The following PCDH15 variants were observed in gnomAD, a reference collection of about 807,000 sequenced individuals.
PCDH15 encodes the protein protocadherin-15.
PCDH15 carries 129 observed loss-of-function variants against 178.5 expected under a neutral mutation model. The observed-to-expected ratio is 0.72, with a 90% CI of 0.63 to 0.84. PCDH15 has a LOEUF of 0.84. PCDH15 is among the 40% of genes least tolerant of loss of function. The pLI is 0.00. For missense variants in PCDH15, 2,230 were observed against 2,099.9 expected (o/e 1.06, Z -1.21); for synonymous variants, 800 against 732.0 (o/e 1.09, Z -1.50).
At chr10:54,171,997 C>T (rs10825258) in intron 13 of PCDH15, among the ~76,000 whole-genome samples, 69,139 of 148,898 alleles carry the variant, frequency 0.46, 16,663 homozygotes, top group African/African-American at 0.56. Flanking sequence ...AAATTTTCGC[C>T]GCCCCAACAC....
In PCDH15 at chr10:54,622,731, A is replaced by AT. The variant is rs1287385543; in HGVS notation, c.91+41440_91+41441insA. 2.0e-4 allele frequency among the ~76,000 whole-genome samples: 7 copies of AT among 35,052 alleles called. 1 individual carries two copies. The highest frequency in any genetic ancestry group is 1.7e-3 in the Admixed American group (4 of 2,352). 23.0% of individuals were successfully genotyped at this position (35,052 alleles called of 152,430 possible). ...ATATTATATATAATATATATTATAT[A>AT]ATTATATATATATTATATATAATTA... On this transcript the variant is annotated intron_variant, in intron 2 of 37. Coordinates refer to ENST00000644397, the MANE Select transcript of PCDH15 (RefSeq NM_001384140.1).
intron 13 of PCDH15, among the ~76,000 whole-genome samples, chr10:54,163,416 A>C (rs2045908642): frequency 6.6e-6 from 1 of 151,840 alleles, no homozygotes; most frequent in African/African-American, 2.4e-5. Context: ...GGAGAGAGAG[A>C]GAGAGCGAGA....
At chr10:55,408,239 G>T (rs180892339) in intron 2 of PCDH15, among the ~76,000 whole-genome samples, 208 of 151,030 alleles carry the variant, frequency 1.4e-3, no homozygotes, top group African/African-American at 4.7e-3. Context: ...AGGCTGGAGT[G>T]CAGTGGTGCG....
chr10:55,206,842 T>A (rs2132165274), intron 1 of PCDH15, among the ~76,000 whole-genome samples: 1 of 152,206 alleles, frequency 6.6e-6, no homozygotes, highest in African/African-American at 2.4e-5. Flanking sequence ...TTTGAAATTT[T>A]GGAAAATAGG....
In PCDH15 at chr10:54,022,946, G is replaced by A. The variant is rs1238723992; in HGVS notation, c.2472C>T (p.Tyr824=). Reference sequence around the variant, plus strand: ...GCAAATTCTCTTCAACAAGGACAGTGTATGTTGAATTGGTGAACACAGGAC... The same window carrying A: ...GCAAATTCTCTTCAACAAGGACAGTATATGTTGAATTGGTGAACACAGGAC... ...DNSPVFTNST[Y]TVLVEENLPA... The change falls in exon 19 of 38, where the codon TAC becomes TAT. Residue 824 remains tyrosine (Y), a synonymous_variant. Transcript: ENST00000644397. 1.2e-6 allele frequency: 2 copies of A among 1,613,916 alleles called. No homozygotes were observed. The highest frequency in any genetic ancestry group is 1.7e-6 in the Non-Finnish European group (2 of 1,179,854).
Position 55,473,457 on chromosome 10 carries a change from T to G in PCDH15, c.-156+154168A>C, listed in dbSNP as rs932108804. ...AAAAGTTGGAGTCATGGAACACTGC[T>G]GCTACTTTAAAGTATCTAATGTAAC... On this transcript the variant is annotated intron_variant, in intron 2 of 5. Coordinates refer to the PCDH15 transcript ENST00000613346. Among the ~76,000 whole-genome samples the G allele has an allele frequency of 5.3e-5, 8 of 152,196 alleles. No homozygotes were observed. In the South Asian group the frequency reaches 6.2e-4, roughly 12 times the overall value.
At chr10:55,376,305 G>C (rs964855570) in intron 2 of PCDH15, among the ~76,000 whole-genome samples, 23 of 152,050 alleles carry the variant, frequency 1.5e-4, no homozygotes, top group African/African-American at 4.6e-4. Context: ...TATCCCACAG[G>C]ATTTGCATTA....
chr10:54,221,606 T>C (rs2052822150), intron 9 of PCDH15, among the ~76,000 whole-genome samples: 1 of 152,216 alleles, frequency 6.6e-6, no homozygotes, highest in African/African-American at 2.4e-5. Context: ...TATTCTTTTT[T>C]TTTTTTTTAA....
At chr10:55,018,276 G>A (rs547738343) in intron 2 of PCDH15, among the ~76,000 whole-genome samples, 2 of 152,088 alleles carry the variant, frequency 1.3e-5, no homozygotes, top group South Asian at 2.1e-4. Context: ...TACAAAGAGC[G>A]GGGATTGATT....
At chr10:55,505,554 T>C (rs553327930) in intron 2 of PCDH15, among the ~76,000 whole-genome samples, 4 of 151,222 alleles carry the variant, frequency 2.6e-5, no homozygotes, top group Non-Finnish European at 5.9e-5. Flanking sequence ...AGACAATATA[T>C]GGAAGGTAGG....
intron 15 of PCDH15, among the ~76,000 whole-genome samples, chr10:54,124,876 C>A (rs971314998): frequency 2.0e-5 from 3 of 152,160 alleles, no homozygotes; most frequent in African/African-American, 7.2e-5. Context: ...TCTGACAGGA[C>A]CTGTTAATTC....
chr10:53,841,252 TATAA>T lies in PCDH15; in HGVS notation c.3807-760_3807-757del, dbSNP rs1397233309. Among the ~76,000 whole-genome samples the T allele has an allele frequency of 5.3e-5, 8 of 152,262 alleles. 1 individual carries two copies. The South Asian group carries it at 1.2e-3, about 24-fold the overall frequency. Reference sequence around the variant, plus strand: ...AAACTTTATATTATTAACCCAAGTATATAAATATTAAGAGCATATAATTCAGTAT... The same window carrying T: ...AAACTTTATATTATTAACCCAAGTATATATTAAGAGCATATAATTCAGTAT... On this transcript the variant is annotated intron_variant, in intron 28 of 37. Coordinates refer to ENST00000644397, the MANE Select transcript of PCDH15 (RefSeq NM_001384140.1).
At chr10:54,325,173 A>C (rs12780283) in intron 7 of PCDH15, among the ~76,000 whole-genome samples, 39,388 of 152,054 alleles carry the variant, frequency 0.26, 6,381 homozygotes, top group Middle Eastern at 0.38. Context: ...CAATTACCTT[A>C]ATTACGGATC....
At chr10:53,809,302 T>G in intron 37 of PCDH15, 1 of 1,613,948 alleles carries the variant, frequency 6.2e-7, no homozygotes, top group Non-Finnish European at 8.5e-7. Flanking sequence ...CAGAGTGAGT[T>G]TCAAATAATC....
At chr10:54,546,542 A>T (rs940139407) in intron 2 of PCDH15, among the ~76,000 whole-genome samples, 8 of 152,156 alleles carry the variant, frequency 5.3e-5, no homozygotes, top group African/African-American at 1.9e-4. Context: ...TGCATTTATT[A>T]TAAGAAAACA....
upstream of PCDH15, among the ~76,000 whole-genome samples, chr10:54,803,499 T>A (rs1015479092): frequency 1.3e-5 from 2 of 152,176 alleles, no homozygotes; most frequent in Non-Finnish European, 2.9e-5. Context: ...CTTTGTGCTC[T>A]GGCTTAGGGG....
At chr10:54,300,547 G>A (rs1239649361) in intron 8 of PCDH15, among the ~76,000 whole-genome samples, 3 of 152,102 alleles carry the variant, frequency 2.0e-5, no homozygotes, top group Non-Finnish European at 2.9e-5. Context: ...GCCCCTATCC[G>A]GCAGGAAGTA....
intron 2 of PCDH15, among the ~76,000 whole-genome samples, chr10:54,636,320 A>G (rs1410376789): frequency 3.9e-5 from 6 of 151,910 alleles, no homozygotes; most frequent in African/African-American, 1.4e-4. Context: ...ATTCATCTGC[A>G]TGTCTCTATT....
rs1271500715 is a variant in PCDH15 at position 53,811,467 on chromosome 10, CTAGTAATAA to C, written c.4562+73_4562+81del. The C allele has an allele frequency of 1.3e-5, 11 of 848,624 alleles. No individual in the cohort carries two copies. The East Asian group carries it at 3.5e-4, about 27-fold the overall frequency. 52.6% of individuals were successfully genotyped at this position (848,624 alleles called of 1,614,324 possible). A position where few individuals can be genotyped will look rare whatever the true frequency, so the allele number is the denominator to read the frequency against. On this transcript the variant is annotated intron_variant, in intron 36 of 37. Transcript: ENST00000644397. ...ATCGACATGACATTAAAAACAAATT[CTAGTAATAA>C]TAATCATTTAATAATTTCCTATTAA...
Sources: allele counts gnomAD v4.1 joint callset (sites outside exome capture counted in the v4.1 genomes callset), GRCh38; gene constraint gnomAD v4.1.1; transcripts MANE v1.5; gene names NCBI Gene and HGNC (gene_info 2026-07-23, HGNC 2026-07-21).